HSF2BP: variants seen among roughly 807,000 people sequenced by gnomAD.
HSF2BP encodes heat shock transcription factor 2 binding protein.
In HSF2BP, 35 loss-of-function variants were observed where a neutral mutation model predicts 35.0. That is an observed-to-expected ratio of 1.00 (90% CI 0.76 to 1.32). The LOEUF (loss-of-function observed/expected upper bound fraction) is 1.32, where lower values mean the gene tolerates loss of function less well. Among genes scored for constraint, HSF2BP ranks in the 40% most tolerant of loss-of-function variants. The pLI is 0.00. For synonymous variants in HSF2BP, 114 were observed against 117.4 expected, an observed-to-expected ratio of 0.97 and a Z score of 0.18; for missense variants, 326 against 321.7, an observed-to-expected ratio of 1.01 and a Z score of -0.10.
intron 8 of HSF2BP, 60 bp downstream of exon 8, chr21:43,592,165 A>G: frequency 9.0e-7 from 1 of 1,115,228 alleles, no homozygotes; most frequent in Non-Finnish European, 1.4e-6. Flanking sequence ...TGCCCCGTGG[A>G]TAAGGGAGGA....
At chr21:43,618,076 A>T (rs187801445) in intron 6 of HSF2BP, among the ~76,000 whole-genome samples, 15 of 152,268 alleles carry the variant, frequency 9.9e-5, no homozygotes, top group African/African-American at 3.6e-4. Context: ...CTTAGGCAAC[A>T]TAATGAGACC....
intron 4 of HSF2BP, among the ~76,000 whole-genome samples, chr21:43,636,709 T>C (rs1279831261): frequency 6.6e-6 from 1 of 151,946 alleles, no homozygotes; most frequent in Non-Finnish European, 1.5e-5. Flanking sequence ...CTGGCCAACA[T>C]GGTGAAACCC....
the HSF2BP span, among the ~76,000 whole-genome samples, chr21:43,506,074 G>GCAGCC: frequency 5.3e-5 from 7 of 131,736 alleles, no homozygotes; most frequent in African/African-American, 2.1e-4. Flanking sequence ...CTGGGGAAAG[G>GCAGCC]CAGCCCGGGT....
intron 7 of HSF2BP, among the ~76,000 whole-genome samples, chr21:43,603,225 CTG>C (rs1601649420): frequency 6.6e-6 from 1 of 152,282 alleles, no homozygotes; most frequent in East Asian, 1.9e-4. Context: ...AAAGGAGACT[CTG>C]GGCCCTCCAC....
chr21:43,653,621 G>A (rs181706850), intron 3 of HSF2BP, among the ~76,000 whole-genome samples: 88 of 152,234 alleles, frequency 5.8e-4, no homozygotes, highest in Non-Finnish European at 1.1e-3. Context: ...AATGAGTCTG[G>A]GTGGGGTTTT....
chr21:43,607,006 G>A (rs1229943215), intron 7 of HSF2BP, among the ~76,000 whole-genome samples: 1 of 152,160 alleles, frequency 6.6e-6, no homozygotes, highest in Non-Finnish European at 1.5e-5. Context: ...AGAACTGGAG[G>A]CCAGGTGTGG....
intron 8 of HSF2BP, among the ~76,000 whole-genome samples, chr21:43,575,134 C>T (rs1228645619): frequency 6.6e-6 from 1 of 152,200 alleles, no homozygotes; most frequent in Non-Finnish European, 1.5e-5. Context: ...AATGTTTGGA[C>T]CTCCGGGATT....
At chr21:43,611,228 A>C (rs1412088982) in intron 7 of HSF2BP, among the ~76,000 whole-genome samples, 1 of 152,156 alleles carries the variant, frequency 6.6e-6, no homozygotes, top group Non-Finnish European at 1.5e-5. Context: ...CCTGGGTTAC[A>C]AAGCAAGACT....
chr21:43,598,860 TG>T (rs1386609164), intron 7 of HSF2BP, among the ~76,000 whole-genome samples: 3 of 152,178 alleles, frequency 2.0e-5, no homozygotes, highest in African/African-American at 7.2e-5. Context: ...CACAGAGAGT[TG>T]GAATTCCTTA....
chr21:43,619,723 G>A (rs906554335), intron 6 of HSF2BP, among the ~76,000 whole-genome samples: 15 of 152,226 alleles, frequency 9.9e-5, no homozygotes, highest in African/African-American at 2.9e-4. Flanking sequence ...CAACCCATGG[G>A]AACCACTGTA....
intron 8 of HSF2BP, among the ~76,000 whole-genome samples, chr21:43,578,661 T>C (rs982382908): frequency 2.6e-5 from 4 of 152,200 alleles, no homozygotes; most frequent in African/African-American, 9.6e-5. Context: ...GTGATAACCT[T>C]AGCATGCTGT....
At chr21:43,579,554 T>C (rs557170990) in intron 8 of HSF2BP, among the ~76,000 whole-genome samples, 3 of 152,282 alleles carry the variant, frequency 2.0e-5, no homozygotes, top group Admixed American at 6.5e-5. Flanking sequence ...TCCTGAAAAT[T>C]AGAATCTGAT....
intron 7 of HSF2BP, among the ~76,000 whole-genome samples, chr21:43,604,424 C>T (rs1040901071): frequency 3.8e-5 from 5 of 130,132 alleles, no homozygotes; most frequent in Non-Finnish European, 7.8e-5. Flanking sequence ...ACACCCCACA[C>T]ACCACACCAC....
intron 6 of HSF2BP, among the ~76,000 whole-genome samples, chr21:43,624,213 T>C (rs765925284): frequency 6.6e-6 from 1 of 152,070 alleles, no homozygotes; most frequent in African/African-American, 2.4e-5. Context: ...TCCATAACAG[T>C]CAAAAGGTGG....
At chr21:43,650,141 T>A (rs1287178913) in intron 3 of HSF2BP, among the ~76,000 whole-genome samples, 1 of 152,230 alleles carries the variant, frequency 6.6e-6, no homozygotes. Flanking sequence ...TAAAACTTAA[T>A]TTTAAAAACA....
intron 6 of HSF2BP, among the ~76,000 whole-genome samples, chr21:43,624,367 G>A (rs932883009): frequency 2.6e-5 from 4 of 152,164 alleles, no homozygotes; most frequent in African/African-American, 9.7e-5. Context: ...TACCATAATT[G>A]TCATCTAGTG....
intron 7 of HSF2BP, among the ~76,000 whole-genome samples, chr21:43,600,965 G>A (rs1026661499): frequency 6.6e-6 from 1 of 152,192 alleles, no homozygotes; most frequent in Admixed American, 6.5e-5. Flanking sequence ...ATTTGTTTAT[G>A]TTGATTTCTA....
chr21:43,624,153 A>C (rs1176349704), intron 6 of HSF2BP, among the ~76,000 whole-genome samples: 5 of 152,232 alleles, frequency 3.3e-5, no homozygotes, highest in African/African-American at 1.2e-4. Context: ...AGAAAAACTG[A>C]AACATACATC....
intron 7 of HSF2BP, among the ~76,000 whole-genome samples, chr21:43,608,406 C>T (rs922686197): frequency 2.4e-4 from 36 of 152,130 alleles, no homozygotes; most frequent in African/African-American, 8.7e-4. Context: ...GAGGTACTAT[C>T]TCACACCAGT....
Sources: gnomAD v4.1 joint callset for allele counts (sites outside exome capture counted in the v4.1 genomes callset) on GRCh38, gnomAD v4.1.1 for gene constraint, MANE v1.5 for transcripts, NCBI Gene and HGNC (gene_info 2026-07-23, HGNC 2026-07-21) for gene names.